The following TESK2 variants were observed in gnomAD, a reference collection of about 807,000 sequenced individuals.
TESK2 encodes the protein dual specificity testis-specific protein kinase 2.
In TESK2, 39 loss-of-function variants were observed where a neutral mutation model predicts 57.1. The ratio of observed to expected loss-of-function variants is 0.68; its 90% CI spans 0.53 to 0.89. TESK2 has a LOEUF of 0.89. Among genes scored for constraint, TESK2 ranks in the 40% least tolerant of loss-of-function variants. The pLI, the probability that TESK2 is intolerant of heterozygous loss-of-function variation, is 0.00. For missense variants in TESK2, 646 were observed against 732.1 expected, an observed-to-expected ratio of 0.88 and a Z score of 1.36; for synonymous variants, 249 against 267.9, an observed-to-expected ratio of 0.93 and a Z score of 0.69.
chr1:45,479,805 A>AG (rs1653140107), intron 1 of TESK2, among the ~76,000 whole-genome samples: 1 of 146,260 alleles, frequency 6.8e-6, no homozygotes, highest in Admixed American at 7.3e-5. Flanking sequence ...GAAATGCAGA[A>AG]GGCCCTTCTT....
At chr1:45,444,991 C>G (rs1651591232) in intron 2 of TESK2, among the ~76,000 whole-genome samples, 1 of 152,108 alleles carries the variant, frequency 6.6e-6, no homozygotes, top group Non-Finnish European at 1.5e-5. Context: ...TGTAACTTCC[C>G]CAATTGCTCC....
intron 1 of TESK2, among the ~76,000 whole-genome samples, chr1:45,463,988 C>G (rs1250024717): frequency 1.3e-5 from 2 of 152,028 alleles, no homozygotes; most frequent in Admixed American, 1.3e-4. Context: ...CAGTTTTGTT[C>G]TTTTTGCTCA....
chr1:45,396,494 CTTTT>C (rs796355065), intron 3 of TESK2, among the ~76,000 whole-genome samples: 1 of 146,116 alleles, frequency 6.8e-6, no homozygotes, highest in African/African-American at 2.5e-5. Context: ...TGAGATAACT[CTTTT>C]TTTTTTTTGA....
chr1:45,443,665 C>T (rs1351245550), intron 2 of TESK2, among the ~76,000 whole-genome samples: 1 of 148,534 alleles, frequency 6.7e-6, no homozygotes, highest in East Asian at 2.0e-4. Context: ...CTTTATTTTG[C>T]TATCTAGGAC....
At chr1:45,457,169 T>C (rs994741572) in intron 2 of TESK2, among the ~76,000 whole-genome samples, 4 of 152,242 alleles carry the variant, frequency 2.6e-5, no homozygotes, top group Middle Eastern at 3.4e-3. Flanking sequence ...TGTGGGTGTG[T>C]GTATATATAA....
chr1:45,368,317 C>T (rs1024231697), intron 4 of TESK2, among the ~76,000 whole-genome samples: 5 of 150,888 alleles, frequency 3.3e-5, no homozygotes, highest in African/African-American at 1.2e-4. Context: ...TATCTTGAAA[C>T]ATTCTTGTCA....
chr1:45,448,012 A>G (rs758974567), intron 2 of TESK2, among the ~76,000 whole-genome samples: 6 of 149,818 alleles, frequency 4.0e-5, no homozygotes, highest in Non-Finnish European at 7.4e-5. Context: ...AGGAAGACTC[A>G]ATGTGTGTGT....
intron 9 of TESK2, 44 bp from the exon 10 acceptor site, chr1:45,346,038 C>T (rs1647139657): frequency 7.1e-7 from 1 of 1,416,774 alleles, no homozygotes; most frequent in Non-Finnish European, 1.0e-6. Flanking sequence ...CTCCATCTCC[C>T]ACCCCAAAGA....
In TESK2 at chr1:45,454,418, A is replaced by ATGTTTTAT. The variant is rs1246298908; in HGVS notation, c.222+3145_222+3146insATAAAACA. 5.3e-5 allele frequency among the ~76,000 whole-genome samples: 8 copies of ATGTTTTAT among 151,850 alleles called. No homozygotes were observed. In the East Asian group the frequency reaches 1.5e-3, roughly 29 times the overall value. ...TGTTAAGATAGTAAGAAAAAGATTT[A>ATGTTTTAT]TTTTTTATTTTTTTATTATTTTATT... On this transcript the variant is annotated intron_variant, in intron 2 of 10. Transcript: ENST00000372086.
Position 45,345,495 on chromosome 1 carries a change from T to G in TESK2, c.1061A>C (p.Lys354Thr). Residue 354 changes from lysine to threonine, a missense_variant, in exon 11 of 11, where the codon AAG becomes ACG. Lys to Thr is a moderately conservative substitution (Grantham distance 78, BLOSUM62 -1). Coordinates refer to ENST00000372086, the MANE Select transcript of TESK2 (RefSeq NM_007170.3). ...GATGGTACGTCTTGGGCATGGTGAC[T>G]TGTGGGGGATCTTGTCATCCAGTGA... ...LSSLDDKIPH[K>T]SPCPRRTIWL... The G allele has an allele frequency of 6.2e-7, 1 of 1,614,128 alleles. No individual in the cohort carries two copies. Among genetic ancestry groups the G allele is most frequent in the Non-Finnish European group, 8.5e-7 (1 of 1,180,016 alleles).
At chr1:45,378,776 C>T (rs1484587548) in intron 4 of TESK2, among the ~76,000 whole-genome samples, 6 of 152,172 alleles carry the variant, frequency 3.9e-5, no homozygotes, top group Non-Finnish European at 8.8e-5. Flanking sequence ...AGTACCTAGC[C>T]CATAGTAGAT....
intron 2 of TESK2, among the ~76,000 whole-genome samples, chr1:45,423,737 G>A (rs751863611): frequency 2.3e-4 from 35 of 152,222 alleles, no homozygotes; most frequent in South Asian, 4.1e-4. Flanking sequence ...TTACCCATAT[G>A]CACAGAGGAA....
chr1:45,386,889 T>C (rs1648923626), intron 3 of TESK2, among the ~76,000 whole-genome samples: 1 of 152,166 alleles, frequency 6.6e-6, no homozygotes, highest in Non-Finnish European at 1.5e-5. Flanking sequence ...CTTGACCTTG[T>C]GATCCACCCG....
intron 3 of TESK2, among the ~76,000 whole-genome samples, chr1:45,394,986 G>A (rs1282166873): frequency 4.6e-5 from 7 of 151,718 alleles, no homozygotes; most frequent in African/African-American, 9.7e-5. Flanking sequence ...CACTGCACCC[G>A]GCCCCAACAG....
chr1:45,475,237 C>A, intron 1 of TESK2, among the ~76,000 whole-genome samples: 1 of 89,844 alleles, frequency 1.1e-5, no homozygotes, highest in Non-Finnish European at 2.3e-5. Context: ...TTTTGAGTCT[C>A]GTTCTGTTGC....
chr1:45,422,109 G>T (rs114463613), intron 2 of TESK2, among the ~76,000 whole-genome samples: 1 of 152,146 alleles, frequency 6.6e-6, no homozygotes, highest in African/African-American at 2.4e-5. Flanking sequence ...GGAATACTAT[G>T]CAGTCATAAA....
At chr1:45,416,750 A>C (rs1016776364) in intron 3 of TESK2, among the ~76,000 whole-genome samples, 1 of 143,386 alleles carries the variant, frequency 7.0e-6, no homozygotes, top group Non-Finnish European at 1.5e-5. Context: ...CATCCCATCC[A>C]CTCACCCCAT....
intron 1 of TESK2, among the ~76,000 whole-genome samples, chr1:45,463,450 C>A (rs1165715680): frequency 2.6e-5 from 4 of 152,206 alleles, no homozygotes; most frequent in Non-Finnish European, 5.9e-5. Flanking sequence ...GTTTTCCCAG[C>A]ACCATTCATT....
At chr1:45,369,933 G>A (rs574066653) in intron 4 of TESK2, among the ~76,000 whole-genome samples, 19 of 152,184 alleles carry the variant, frequency 1.2e-4, no homozygotes, top group East Asian at 1.9e-4. Flanking sequence ...GGCTGGTCTC[G>A]AACTCCTGAC....
Sources: allele counts gnomAD v4.1 joint callset (sites outside exome capture counted in the v4.1 genomes callset), GRCh38; gene constraint gnomAD v4.1.1; transcripts MANE v1.5; gene names NCBI Gene and HGNC (gene_info 2026-07-23, HGNC 2026-07-21).